The following PAF1 variants were observed in gnomAD, a reference collection of about 807,000 sequenced individuals.
PAF1 encodes the protein PAF1 component of Paf1/RNA polymerase II complex.
In PAF1, 31 loss-of-function variants were observed where a neutral mutation model predicts 68.4. The ratio of observed to expected loss-of-function variants is 0.45; its 90% confidence interval spans 0.34 to 0.61. The LOEUF is 0.61. PAF1 is among the 20% of genes least tolerant of loss of function. The pLI, the probability that PAF1 is intolerant of heterozygous loss-of-function variation, is 0.01. For missense variants in PAF1, 435 were observed against 692.9 expected (o/e 0.63, Z 4.18); for synonymous variants, 256 against 240.5 (o/e 1.06, Z -0.60).
At position 39,386,299 on chromosome 19, in the gene PAF1, C is replaced by T. The variant is rs1568372205; in HGVS notation, c.1288G>A (p.Asp430Asn). The T allele has an allele frequency of 6.2e-7, 1 of 1,614,090 alleles. No homozygotes were observed. The highest frequency in any genetic ancestry group is 1.1e-5 in the South Asian group (1 of 91,080). Residue 430 changes from aspartate to asparagine, a missense_variant, in exon 14 of 14, where the codon GAC becomes AAC. Coordinates refer to ENST00000221265, the MANE Select transcript of PAF1 (RefSeq NM_019088.4). The surrounding 1 kb of genome is among the most constrained non-coding windows in gnomAD (Gnocchi z 6.1). Reference protein sequence around the residue: ...REEGDRDEASDKSGSGEDESS... With the variant: ...REEGDRDEASNKSGSGEDESS... Reference sequence around the variant, plus strand: ...TCGTCCTCACCACTGCCACTCTTGTCACTGGCCTCGTCCCTGTCACCTTCC... The same window carrying T: ...TCGTCCTCACCACTGCCACTCTTGTTACTGGCCTCGTCCCTGTCACCTTCC...
chr19:39,386,052 T>C lies in PAF1; in HGVS notation c.1535A>G (p.Gln512Arg), dbSNP rs748983077. ...AGCTGCAGCTTCACTGCCATCCTCCTGGGCCGAGTGCTCGCTGCCACTGGG... is the reference window on the plus strand; with the variant it reads ...AGCTGCAGCTTCACTGCCATCCTCCCGGGCCGAGTGCTCGCTGCCACTGGG... ...PFPSGSEHSA[Q>R]EDGSEAAASD... The change falls in exon 14 of 14, where the codon CAG (glutamine) becomes CGG (arginine). Residue 512 changes from glutamine (Q) to arginine (R), a missense_variant. Around this residue, in one of 7 missense-constraint regions of PAF1, gnomAD observed 83 missense variants for 99.9 expected, o/e 0.83. Coordinates refer to ENST00000221265, the MANE Select transcript of PAF1 (RefSeq NM_019088.4). This position sits in a 1 kb window ranked among gnomAD's most constrained non-coding sequence, Gnocchi z 6.1. The C allele has an allele frequency of 1.9e-6, 3 of 1,613,854 alleles. No homozygotes were observed. The highest frequency in any genetic ancestry group is 2.5e-6 in the Non-Finnish European group (3 of 1,180,022).
At chr19:39,387,600 CA>C (rs1032099179) in intron 11 of PAF1, among the ~76,000 whole-genome samples, 5 of 152,192 alleles carry the variant, frequency 3.3e-5, no homozygotes, top group African/African-American at 1.2e-4. Flanking sequence ...CTGCTTTAAA[CA>C]GAAACTCAAG....
rs1343139646 is a variant in PAF1 at position 39,390,891 on chromosome 19, G to A, written c.-27C>T. 1.3e-6 allele frequency: 2 copies of A among 1,568,112 alleles called. No individual in the cohort carries two copies. The highest frequency in any genetic ancestry group is 1.7e-6 in the Non-Finnish European group (2 of 1,156,306). On this transcript the variant is annotated 5_prime_UTR_variant, in exon 1 of 14. Transcript: ENST00000221265. ...GCGACGAGGCGACGGCAGCCCGGAC[G>A]GGGTCCTAGCGGGACCGAAGGGGGA... is the stretch of plus-strand genomic sequence containing the variant.
In PAF1 at chr19:39,385,761, T is replaced by G. The variant is rs1161211031; in HGVS notation, c.*230A>C. 1.6e-6 allele frequency: 1 copy of G among 621,964 alleles called. No homozygotes were observed. The highest frequency in any genetic ancestry group is 2.8e-5 in the East Asian group (1 of 36,122). The allele number at this position is 621,964 out of a possible 1,614,324, so 38.5% of individuals were successfully genotyped here. On this transcript the variant is annotated 3_prime_UTR_variant, in exon 14 of 14. Coordinates refer to ENST00000221265, the MANE Select transcript of PAF1 (RefSeq NM_019088.4). The stretch of plus-strand genomic sequence containing the variant: ...CATTGGCCCTGCCTCTGGCCTGTGT[T>G]TCTAAGCCTCAAGCCAAGATCCTTG...
At chr19:39,388,915 T>C (rs1249053733) in intron 8 of PAF1, 32 bp downstream of exon 8, 1 of 1,611,386 alleles carries the variant, frequency 6.2e-7, no homozygotes, top group East Asian at 2.2e-5. Flanking sequence ...ACAAATAGGC[T>C]GTCCCTTTCT....
At position 39,388,480 on chromosome 19, in the gene PAF1, G is replaced by A. The variant is rs1411817192; in HGVS notation, c.858-13C>T. 5 of 1,613,978 alleles carry A rather than the reference G, an allele frequency of 3.1e-6. No individual in the cohort carries two copies. Among genetic ancestry groups the A allele is most frequent in the Non-Finnish European group, 4.2e-6 (5 of 1,179,990 alleles). On this transcript the variant is annotated splice_polypyrimidine_tract_variant and intron_variant, in intron 10 of 13. Transcript: ENST00000221265. ...TTTGTAGTCATACCTGAAGATGAGG[G>A]CACAGGTTCAGCCCCATTTCTTCCC...
chr19:39,387,863 C>G (rs1052530389), intron 11 of PAF1, among the ~76,000 whole-genome samples: 1 of 152,172 alleles, frequency 6.6e-6, no homozygotes, highest in African/African-American at 2.4e-5. Flanking sequence ...TCTGGCTGGG[C>G]GTGGTGGCTC....
chr19:39,386,779 C>CG lies in PAF1; in HGVS notation c.1006dup (p.Arg336ProfsTer23). ...GCCTGACTGAACCCCAGCCTTGGCCCGGCGCTTACTAAGGCGGACCCTGCA... is the reference window on the plus strand; with the variant it reads ...GCCTGACTGAACCCCAGCCTTGGCCCGGGCGCTTACTAAGGCGGACCCTGCA... On this transcript the variant is annotated frameshift_variant, in exon 12 of 14. Transcript: ENST00000221265. LOFTEE classifies it high-confidence loss of function. This position sits in a 1 kb window ranked among gnomAD's most constrained non-coding sequence, Gnocchi z 6.1. 1 of 1,613,910 alleles carries CG rather than the reference C, an allele frequency of 6.2e-7. No homozygotes were observed. The highest frequency in any genetic ancestry group is 8.5e-7 in the Non-Finnish European group (1 of 1,179,806).
intron 11 of PAF1, among the ~76,000 whole-genome samples, chr19:39,387,697 T>C (rs1250370190): frequency 1.3e-5 from 2 of 152,218 alleles, no homozygotes; most frequent in African/African-American, 4.8e-5. Flanking sequence ...TTTTTGAACA[T>C]GGGTTTAAGC....
rs755343894 is a variant in PAF1 at position 39,389,011 on chromosome 19, G to A, written c.572C>T (p.Ser191Leu). The A allele has an allele frequency of 6.2e-6, 10 of 1,614,038 alleles. No homozygotes were observed. The highest frequency in any genetic ancestry group is 5.1e-6 in the Non-Finnish European group (6 of 1,180,008). The change falls in exon 8 of 14, where the codon TCA becomes TTA. Residue 191 changes from serine to leucine, a missense_variant. Ser to Leu is a moderately radical substitution (Grantham distance 145, BLOSUM62 -2). This residue lies in a region of PAF1 where 151 missense variants were observed against 306.3 expected (regional missense o/e 0.49). Transcript: ENST00000221265. This position sits in a 1 kb window ranked among gnomAD's most constrained non-coding sequence, Gnocchi z 5.3. ...KTFEDAQKSI[S>L]QHYSKPRVTP... ...GACTCGGGGTTTGCTGTAATGCTGT[G>A]AGATCTGGTGGAACAAAAACAAGGT... is the stretch of plus-strand genomic sequence containing the variant.
Position 39,386,190 on chromosome 19 carries a change from G to C in PAF1, c.1397C>G (p.Ser466Cys). ...GGCCTGTCCTCTGTCCTCATCATCA[G>C]AGTCGGCATCGTCCTCAGAATCAGC... ...SDADSEDDAD[S>C]DDEDRGQAQG... Residue 466 changes from serine to cysteine, a missense_variant, in exon 14 of 14, where the codon TCT becomes TGT. Physicochemically the swap from Ser to Cys is moderately radical, Grantham distance 112 (BLOSUM62 -1). Coordinates refer to ENST00000221265, the MANE Select transcript of PAF1 (RefSeq NM_019088.4). This position sits in a 1 kb window ranked among gnomAD's most constrained non-coding sequence, Gnocchi z 6.1. The C allele has an allele frequency of 1.2e-6, 2 of 1,614,156 alleles. No individual in the cohort carries two copies. Among genetic ancestry groups the C allele is most frequent in the Non-Finnish European group, 1.7e-6 (2 of 1,180,030 alleles).
intron 11 of PAF1, among the ~76,000 whole-genome samples, chr19:39,388,101 A>C (rs1406612316): frequency 3.3e-5 from 5 of 152,150 alleles, no homozygotes; most frequent in Admixed American, 6.5e-5. Flanking sequence ...AGATCACACC[A>C]CTGCACTCTG....
In PAF1 at chr19:39,385,681, A is replaced by T; in HGVS notation, c.*310T>A. ...TCTGGGCTTATTTTGGAAAAAAAAA[A>T]AACAAACAAAAAAAACGAATTCTGA... On this transcript the variant is annotated 3_prime_UTR_variant, in exon 14 of 14. Transcript: ENST00000221265. 1 of 537,268 alleles carries T rather than the reference A, an allele frequency of 1.9e-6. No homozygotes were observed. The allele number at this position is 537,268 out of a possible 1,614,324, so 33.3% of individuals were successfully genotyped here.
In PAF1 at chr19:39,385,688, C is replaced by A. The variant is rs368164944; in HGVS notation, c.*303G>T. ...TTATTTTGGAAAAAAAAAAAACAAA[C>A]AAAAAAAACGAATTCTGACCTTCGT... On this transcript the variant is annotated 3_prime_UTR_variant, in exon 14 of 14. Transcript: ENST00000221265. The A allele has an allele frequency of 2.5e-3, 1,308 of 515,836 alleles. 17 individuals are homozygous for A. In the East Asian group the frequency reaches 0.033, roughly 13 times the overall value. 32.0% of individuals were successfully genotyped at this position (515,836 alleles called of 1,614,324 possible). A position where few individuals can be genotyped will look rare whatever the true frequency, so the allele number is the denominator to read the frequency against.
chr19:39,388,916 G>C (rs2078312138), intron 8 of PAF1, 31 bp downstream of exon 8: 4 of 1,611,482 alleles, frequency 2.5e-6, no homozygotes, highest in Non-Finnish European at 3.4e-6. Flanking sequence ...CAAATAGGCT[G>C]TCCCTTTCTA....
rs990903021 is a variant in PAF1, at chr19:39,389,607, C to T, written c.292+33G>A. Reference sequence around the variant, plus strand: ...AGGCCCAGGCCTGAGCCTTTGCTGACCTAGAGCAGACCCTCCCTGTCTCCC... The same window carrying T: ...AGGCCCAGGCCTGAGCCTTTGCTGATCTAGAGCAGACCCTCCCTGTCTCCC... On this transcript the variant is annotated intron_variant, in intron 4 of 13. Coordinates refer to ENST00000221265, the MANE Select transcript of PAF1 (RefSeq NM_019088.4). This position sits in a 1 kb window ranked among gnomAD's most constrained non-coding sequence, Gnocchi z 5.3. 3 of 1,614,192 alleles carry T rather than the reference C, an allele frequency of 1.9e-6. No individual in the cohort carries two copies. Among genetic ancestry groups the T allele is most frequent in the South Asian group, 2.2e-5 (2 of 91,080 alleles).
chr19:39,390,691 C>T, intron 1 of PAF1, 127 bp downstream of exon 1: 1 of 1,013,910 alleles, frequency 9.9e-7, no homozygotes, highest in Non-Finnish European at 1.5e-6. Context: ...TCAGAAGGAA[C>T]CCGCCCCCTT....
At chr19:39,387,022 T>C (rs2078266975) in intron 11 of PAF1, 4 of 513,718 alleles carry the variant, frequency 7.8e-6, no homozygotes, top group South Asian at 4.4e-5. Context: ...TGCCCTACAC[T>C]GTGTGTGTGT....
At position 39,389,546 on chromosome 19, in the gene PAF1, A is replaced by C; in HGVS notation, c.293T>G (p.Val98Gly). ...NPDTYRIDPN[V>G]LLDPADEKLL... The stretch of plus-strand genomic sequence containing the variant: ...TTTCTCATCAGCTGGATCTAGAAGA[A>C]CTAGAGGAGAGCGGGGGGCAGGAGG... The change falls in exon 5 of 14, where the codon GTT (valine) becomes GGT (glycine). Residue 98 changes from valine (V) to glycine (G), a missense_variant and splice_region_variant. Val to Gly is a moderately radical substitution (Grantham distance 109, BLOSUM62 -3). Coordinates refer to ENST00000221265, the MANE Select transcript of PAF1 (RefSeq NM_019088.4). This position sits in a 1 kb window ranked among gnomAD's most constrained non-coding sequence, Gnocchi z 5.3. The C allele has an allele frequency of 6.2e-7, 1 of 1,614,146 alleles. No homozygotes were observed. Among genetic ancestry groups the C allele is most frequent in the Non-Finnish European group, 8.5e-7 (1 of 1,180,000 alleles).
Sources: allele counts gnomAD v4.1 joint callset (sites outside exome capture counted in the v4.1 genomes callset), GRCh38; gene constraint gnomAD v4.1.1; regional missense constraint gnomAD v4.1.1; non-coding constraint Gnocchi (gnomAD v3.1); transcripts MANE v1.5; gene names NCBI Gene and HGNC (gene_info 2026-07-23, HGNC 2026-07-21).